Variants in INTS6 observed in about 807,000 individuals in gnomAD.
INTS6 encodes integrator complex subunit 6.
INTS6 carries 16 observed loss-of-function variants against 104.9 expected under a neutral mutation model. The observed-to-expected ratio is 0.15, with a 90% CI of 0.10 to 0.23. The LOEUF (loss-of-function observed/expected upper bound fraction) is 0.23. INTS6 is among the 10% of genes least tolerant of loss of function. The pLI is 1.00. For missense variants in INTS6, 584 were observed against 1,062.8 expected (o/e 0.55, Z 6.26); for synonymous variants, 324 against 358.7 (o/e 0.90, Z 1.09).
chr13:51,397,834 TGCACACACACAA>T (rs1956368677), intron 4 of INTS6, among the ~76,000 whole-genome samples: 1 of 148,582 alleles, frequency 6.7e-6, no homozygotes, highest in Non-Finnish European at 1.5e-5. Context: ...CACACACACA[TGCACACACACAA>T]ACTAATCATG....
chr13:51,450,039 G>A, intron 3 of INTS6: 1 of 985,158 alleles, frequency 1.0e-6, no homozygotes, highest in Non-Finnish European at 1.2e-6. Context: ...CCTTCAATAG[G>A]AAGCAAATAA....
chr13:51,373,323 A>G (rs1219148730), intron 15 of INTS6, among the ~76,000 whole-genome samples: 1 of 151,984 alleles, frequency 6.6e-6, no homozygotes, highest in African/African-American at 2.4e-5. Context: ...TATATAATTG[A>G]TAAGTCCATT....
At chr13:51,431,726 A>G (rs576662666) in intron 3 of INTS6, among the ~76,000 whole-genome samples, 11 of 152,134 alleles carry the variant, frequency 7.2e-5, no homozygotes, top group Non-Finnish European at 1.3e-4. Flanking sequence ...TTGGTGCCCA[A>G]GAAAAAAATG....
intron 3 of INTS6, among the ~76,000 whole-genome samples, chr13:51,434,158 T>G (rs1236694812): frequency 6.6e-6 from 1 of 152,216 alleles, no homozygotes; most frequent in Non-Finnish European, 1.5e-5. Context: ...TAATATATCC[T>G]TTCTGCAATA....
In INTS6 at chr13:51,452,126, G is replaced by T; in HGVS notation, c.112-71C>A. 7.1e-7 allele frequency: 1 copy of T among 1,416,130 alleles called. No homozygotes were observed. The highest frequency in any genetic ancestry group is 2.3e-5 in the East Asian group (1 of 42,974). 87.7% of individuals were successfully genotyped at this position (1,416,130 alleles called of 1,614,324 possible). On this transcript the variant is annotated intron_variant, in intron 1 of 17. Transcript: ENST00000311234. This position sits in a 1 kb window ranked among gnomAD's most constrained non-coding sequence, Gnocchi z 4.2. ...AGGCGAGGTTACGAGGCGGAGAAGG[G>T]GCGCCCAGCGGCCCCGCCGCCCCCA...
chr13:51,345,870 T>C, the INTS6 span, among the ~76,000 whole-genome samples: 1 of 152,192 alleles, frequency 6.6e-6, no homozygotes, highest in Non-Finnish European at 1.5e-5. Context: ...AAAGGGGCAG[T>C]TGGCTCAGTT....
intron 15 of INTS6, among the ~76,000 whole-genome samples, chr13:51,370,542 A>G (rs1955782680): frequency 6.6e-6 from 1 of 152,164 alleles, no homozygotes; most frequent in South Asian, 2.1e-4. Context: ...CAGAGCCAGC[A>G]AACAAGACAA....
the INTS6 span, chr13:51,340,945 C>A: frequency 1.2e-6 from 1 of 824,802 alleles, no homozygotes; most frequent in South Asian, 1.8e-5. Flanking sequence ...CAAGACAGCT[C>A]AATGCATCTC....
downstream of INTS6, among the ~76,000 whole-genome samples, chr13:51,358,799 T>C (rs1226034232): frequency 1.3e-5 from 2 of 151,754 alleles, no homozygotes; most frequent in Non-Finnish European, 2.9e-5. Context: ...GTAGGAAGAG[T>C]ATCACCCCTT....
chr13:51,348,206 C>A, the INTS6 span: 11 of 1,574,172 alleles, frequency 7.0e-6, no homozygotes, highest in African/African-American at 1.5e-4. Context: ...ATCCACTGTA[C>A]CCTCAGGTCA....
chr13:51,431,663 A>G (rs1446947562), intron 3 of INTS6, among the ~76,000 whole-genome samples: 1 of 152,188 alleles, frequency 6.6e-6, no homozygotes, highest in African/African-American at 2.4e-5. Context: ...GACATGTAAT[A>G]GATCGTCTTG....
Position 51,452,566 on chromosome 13 carries a change from A to C in INTS6, c.-41T>G. 6 of 1,597,630 alleles carry C rather than the reference A, an allele frequency of 3.8e-6. No individual in the cohort carries two copies. The highest frequency in any genetic ancestry group is 2.3e-5 in the East Asian group (1 of 43,766). On this transcript the variant is annotated 5_prime_UTR_variant, in exon 1 of 18. Coordinates refer to ENST00000311234, the MANE Select transcript of INTS6 (RefSeq NM_012141.3). This position sits in a 1 kb window ranked among gnomAD's most constrained non-coding sequence, Gnocchi z 4.2. ...CACCGGGGCCCGAGGTGGTGGAGAA[A>C]GAGGAGATGGTAGAGGTGGAGGCGC...
Position 51,452,383 on chromosome 13 carries a change from G to C in INTS6, c.111+32C>G. The C allele has an allele frequency of 6.6e-7, 1 of 1,520,112 alleles. No individual in the cohort carries two copies. The highest frequency in any genetic ancestry group is 8.8e-7 in the Non-Finnish European group (1 of 1,132,850). 94.2% of individuals were successfully genotyped at this position (1,520,112 alleles called of 1,614,324 possible). A position where few individuals can be genotyped will look rare whatever the true frequency, so the allele number is the denominator to read the frequency against. Reference sequence around the variant, plus strand: ...CCTGCCGCCCGCGGGCCGCCGGGCCGGGGTCGCCGCCCGGGCTCGGTCAGT... The same window carrying C: ...CCTGCCGCCCGCGGGCCGCCGGGCCCGGGTCGCCGCCCGGGCTCGGTCAGT... On this transcript the variant is annotated intron_variant, in intron 1 of 17. Coordinates refer to ENST00000311234, the MANE Select transcript of INTS6 (RefSeq NM_012141.3). The surrounding 1 kb of genome is among the most constrained non-coding windows in gnomAD (Gnocchi z 4.2).
At chr13:51,432,453 ATT>A (rs764432806) in intron 3 of INTS6, among the ~76,000 whole-genome samples, 1 of 138,432 alleles carries the variant, frequency 7.2e-6, no homozygotes, top group Non-Finnish European at 1.6e-5. Flanking sequence ...ACCACAATTT[ATT>A]AAAAAAAAAA....
intron 16 of INTS6, 101 bp from the exon 17 acceptor site, chr13:51,367,999 TAAA>T: frequency 1.8e-6 from 1 of 569,026 alleles, no homozygotes; most frequent in Non-Finnish European, 3.0e-6. Context: ...TATACTGAGA[TAAA>T]AACATTCTAC....
At chr13:51,443,936 A>G (rs1048037065) in intron 3 of INTS6, 2 of 152,220 alleles carry the variant, frequency 1.3e-5, no homozygotes, top group African/African-American at 4.8e-5. Flanking sequence ...AAATACACAA[A>G]TAAGTCCAAT....
At chr13:51,392,508 G>A (rs924376563) in intron 5 of INTS6, among the ~76,000 whole-genome samples, 3 of 152,156 alleles carry the variant, frequency 2.0e-5, no homozygotes, top group Admixed American at 2.0e-4. Context: ...GTAAGCTCCA[G>A]CCATGCTAGC....
At chr13:51,396,069 T>A (rs974887395) in intron 4 of INTS6, among the ~76,000 whole-genome samples, 8 of 152,090 alleles carry the variant, frequency 5.3e-5, no homozygotes, top group African/African-American at 1.9e-4. Context: ...AAGTGCTGGA[T>A]TACAGGTGTG....
rs554200135 is a variant in INTS6, at chr13:51,430,272, A to G, written c.429+22T>C. On this transcript the variant is annotated intron_variant, in intron 4 of 17. Coordinates refer to ENST00000311234, the MANE Select transcript of INTS6 (RefSeq NM_012141.3). Reference sequence around the variant, plus strand: ...TTGTTCAACTGCATTTGCATAATCCATGTAATATAAGCACAACTTACCTCA... The same window carrying G: ...TTGTTCAACTGCATTTGCATAATCCGTGTAATATAAGCACAACTTACCTCA... 3.1e-6 allele frequency: 5 copies of G among 1,594,680 alleles called. No homozygotes were observed. In the South Asian group the frequency reaches 3.3e-5, roughly 11 times the overall value.
Sources: allele counts gnomAD v4.1 joint callset (sites outside exome capture counted in the v4.1 genomes callset), GRCh38; gene constraint gnomAD v4.1.1; non-coding constraint Gnocchi (gnomAD v3.1); transcripts MANE v1.5; gene names NCBI Gene and HGNC (gene_info 2026-07-23, HGNC 2026-07-21).